CTNNBL1: variants seen among roughly 807,000 people sequenced by gnomAD.
CTNNBL1 encodes catenin beta like 1.
In CTNNBL1, 31 loss-of-function variants were observed where a neutral mutation model predicts 72.7. The ratio of observed to expected loss-of-function variants is 0.43; its 90% confidence interval spans 0.32 to 0.58. The LOEUF (loss-of-function observed/expected upper bound fraction) is 0.58. Among genes scored for constraint, CTNNBL1 ranks in the 20% least tolerant of loss-of-function variants. The pLI is 0.08. For missense variants in CTNNBL1, 534 were observed against 725.1 expected, an observed-to-expected ratio of 0.74 and a Z score of 3.03; for synonymous variants, 240 against 267.3, an observed-to-expected ratio of 0.90 and a Z score of 1.00.
intron 5 of CTNNBL1, among the ~76,000 whole-genome samples, chr20:37,759,954 T>C (rs1408284357): frequency 6.6e-6 from 1 of 152,232 alleles, no homozygotes; most frequent in African/African-American, 2.4e-5. Flanking sequence ...TGGCAGAATT[T>C]ATTGTGGTGT....
At chr20:37,703,384 T>A (rs1038755845) in intron 1 of CTNNBL1, among the ~76,000 whole-genome samples, 1 of 152,234 alleles carries the variant, frequency 6.6e-6, no homozygotes, top group African/African-American at 2.4e-5. Flanking sequence ...AGAGTACTGG[T>A]CAGCTATTTT....
chr20:37,792,194 G>T (rs915865710), intron 10 of CTNNBL1, among the ~76,000 whole-genome samples: 17 of 152,200 alleles, frequency 1.1e-4, no homozygotes, highest in African/African-American at 4.1e-4. Context: ...ATTTTTCTCT[G>T]ATCAGTGTGG....
intron 7 of CTNNBL1, among the ~76,000 whole-genome samples, chr20:37,768,376 A>G (rs1397310762): frequency 2.6e-5 from 4 of 152,172 alleles, no homozygotes; most frequent in Non-Finnish European, 4.4e-5. Context: ...TTCTCTCAGA[A>G]ATTTTCTGTG....
chr20:37,810,242 G>A (rs1276099840), intron 11 of CTNNBL1, among the ~76,000 whole-genome samples: 1 of 152,172 alleles, frequency 6.6e-6, no homozygotes, highest in Non-Finnish European at 1.5e-5. Flanking sequence ...AGCCCATCTG[G>A]TGAGGGACTC....
intron 5 of CTNNBL1, among the ~76,000 whole-genome samples, chr20:37,763,209 T>C (rs935915787): frequency 4.6e-5 from 7 of 152,124 alleles, no homozygotes; most frequent in Non-Finnish European, 8.8e-5. Flanking sequence ...GTTCATATTT[T>C]CCCCCCAGAT....
At chr20:37,813,772 T>C (rs2072031661) in intron 11 of CTNNBL1, among the ~76,000 whole-genome samples, 1 of 152,212 alleles carries the variant, frequency 6.6e-6, no homozygotes, top group African/African-American at 2.4e-5. Context: ...ATGCCAGCAA[T>C]GTAGAAACAA....
chr20:37,796,582 T>G (rs2073776531), intron 10 of CTNNBL1, among the ~76,000 whole-genome samples: 1 of 152,068 alleles, frequency 6.6e-6, no homozygotes, highest in Middle Eastern at 3.2e-3. Flanking sequence ...TTATTCCTGG[T>G]GGGTAGTAAT....
chr20:37,787,763 G>GT (rs1214058384), intron 10 of CTNNBL1, among the ~76,000 whole-genome samples: 1 of 152,018 alleles, frequency 6.6e-6, no homozygotes, highest in Non-Finnish European at 1.5e-5. Context: ...TTCCTTGGTT[G>GT]TTTTATTGTT....
chr20:37,805,353 C>G (rs1600499029), intron 11 of CTNNBL1, among the ~76,000 whole-genome samples: 1 of 151,820 alleles, frequency 6.6e-6, no homozygotes, highest in East Asian at 1.9e-4. Flanking sequence ...CCCTGTCTGC[C>G]TGGCTATCTT....
intron 7 of CTNNBL1, among the ~76,000 whole-genome samples, chr20:37,773,834 C>T (rs2073547833): frequency 6.6e-6 from 1 of 151,590 alleles, no homozygotes; most frequent in Non-Finnish European, 1.5e-5. Flanking sequence ...ATTGACTGCT[C>T]ACTACATGCT....
chr20:37,744,978 A>T (rs2073250054), intron 3 of CTNNBL1, among the ~76,000 whole-genome samples: 1 of 152,208 alleles, frequency 6.6e-6, no homozygotes, highest in South Asian at 2.1e-4. Flanking sequence ...GTGAGTTGAG[A>T]AAAAGGCTTA....
intron 13 of CTNNBL1, among the ~76,000 whole-genome samples, chr20:37,846,158 G>T (rs2235464): frequency 0.82 from 124,234 of 151,946 alleles, 50,854 homozygotes; most frequent in Middle Eastern, 0.89. Flanking sequence ...AGTGGGGAGA[G>T]GTCATCTAAG....
chr20:37,730,685 A>C (rs2073120878), intron 1 of CTNNBL1, among the ~76,000 whole-genome samples: 1 of 152,224 alleles, frequency 6.6e-6, no homozygotes, highest in South Asian at 2.1e-4. Context: ...GCATTGTAAA[A>C]GGCAAAATGA....
At position 37,813,642 on chromosome 20, in the gene CTNNBL1, A is replaced by G. The variant is rs939781907; in HGVS notation, c.1213+10594A>G. 7.9e-5 allele frequency among the ~76,000 whole-genome samples: 12 copies of G among 152,204 alleles called. No individual in the cohort carries two copies. The South Asian group carries it at 1.0e-3, about 13-fold the overall frequency. The stretch of plus-strand genomic sequence containing the variant: ...CCAGAATTCTTATTTTAGAAATAGA[A>G]TTTTCCATTGATGCTCTGTTATTGT... On this transcript the variant is annotated intron_variant, in intron 11 of 15. Coordinates refer to ENST00000361383, the MANE Select transcript of CTNNBL1 (RefSeq NM_030877.5).
At chr20:37,729,881 T>A (rs2073115406) in intron 1 of CTNNBL1, among the ~76,000 whole-genome samples, 1 of 152,198 alleles carries the variant, frequency 6.6e-6, no homozygotes, top group Non-Finnish European at 1.5e-5. Flanking sequence ...TTTTCTTTTT[T>A]AGGGTAGAGC....
intron 1 of CTNNBL1, among the ~76,000 whole-genome samples, chr20:37,728,670 T>G (rs984065633): frequency 6.6e-6 from 1 of 152,166 alleles, no homozygotes; most frequent in Non-Finnish European, 1.5e-5. Context: ...ATTTTTGCCT[T>G]TAGAAGAGAA....
At chr20:37,805,501 A>G (rs1169546363) in intron 11 of CTNNBL1, among the ~76,000 whole-genome samples, 1 of 144,274 alleles carries the variant, frequency 6.9e-6, no homozygotes, top group Non-Finnish European at 1.5e-5. Context: ...GGTTCAACCG[A>G]TTCTCCTGCC....
chr20:37,805,988 G>A (rs1372891965), intron 11 of CTNNBL1, among the ~76,000 whole-genome samples: 2 of 152,206 alleles, frequency 1.3e-5, no homozygotes, highest in East Asian at 3.8e-4. Context: ...AACCTACAAG[G>A]TTGAAGTCAA....
intron 10 of CTNNBL1, among the ~76,000 whole-genome samples, chr20:37,799,798 GT>G (rs1479414314): frequency 6.6e-6 from 1 of 152,118 alleles, no homozygotes; most frequent in Non-Finnish European, 1.5e-5. Context: ...TCTTTGTATT[GT>G]TTGATTGATC....
Sources: gnomAD v4.1 joint callset for allele counts (sites outside exome capture counted in the v4.1 genomes callset) on GRCh38, gnomAD v4.1.1 for gene constraint, MANE v1.5 for transcripts, NCBI Gene and HGNC (gene_info 2026-07-23, HGNC 2026-07-21) for gene names.